Variants in DGCR8 observed in about 807,000 individuals in gnomAD.
DGCR8 encodes microprocessor complex subunit DGCR8.
DGCR8 carries 14 observed loss-of-function variants against 78.5 expected under a neutral mutation model. The observed-to-expected ratio is 0.18, with a 90% CI of 0.12 to 0.28. DGCR8 has a LOEUF of 0.28. Ranked by LOEUF, DGCR8 falls within the 10% of genes least tolerant of loss-of-function variation. The pLI is 1.00. For missense variants in DGCR8, 702 were observed against 1,022.5 expected (o/e 0.69, Z 4.28); for synonymous variants, 399 against 402.4 (o/e 0.99, Z 0.10).
At chr22:20,094,692 T>C in intron 8 of DGCR8, 21 bp from the exon 9 acceptor site, 1 of 1,611,628 alleles carries the variant, frequency 6.2e-7, no homozygotes, top group South Asian at 1.1e-5. Flanking sequence ...AGCCTCACCC[T>C]CGGGCTCTTT....
Position 20,090,275 on chromosome 22 carries a change from C to G in DGCR8, c.1306+17C>G. ...AATCCGTTGGTGAGTTTTTGAAGGACTCTTCCCTTCTTGCCTCCTGGGACC... is the reference window on the plus strand; with the variant it reads ...AATCCGTTGGTGAGTTTTTGAAGGAGTCTTCCCTTCTTGCCTCCTGGGACC... On this transcript the variant is annotated intron_variant, in intron 5 of 13. Coordinates refer to ENST00000351989, the MANE Select transcript of DGCR8 (RefSeq NM_022720.7). 2 of 1,572,650 alleles carry G rather than the reference C, an allele frequency of 1.3e-6. No individual in the cohort carries two copies. The highest frequency in any genetic ancestry group is 1.7e-6 in the Non-Finnish European group (2 of 1,164,026).
At chr22:20,108,798 C>CCAGACCCTGGGCGCGCCTGA in intron 12 of DGCR8, 92 bp from the exon 13 acceptor site, 3 of 836,846 alleles carry the variant, frequency 3.6e-6, no homozygotes, top group Non-Finnish European at 6.2e-6. Flanking sequence ...GGCGCGCCTG[C>CCAGACCCTGGGCGCGCCTGA]CTTCAGGGTC....
chr22:20,091,344 T>C, intron 5 of DGCR8, 91 bp from the exon 6 acceptor site: 1 of 1,286,716 alleles, frequency 7.8e-7, no homozygotes, highest in South Asian at 1.2e-5. Context: ...TAGTGTCATG[T>C]GGCCTGGGCC....
chr22:20,097,108 AAG>A (rs1252317024), intron 9 of DGCR8, among the ~76,000 whole-genome samples: 2 of 152,118 alleles, frequency 1.3e-5, no homozygotes, highest in African/African-American at 4.8e-5. Flanking sequence ...TTGTAGTTAT[AAG>A]CAATATTGAT....
At chr22:20,103,944 T>C (rs2049737640) in intron 9 of DGCR8, among the ~76,000 whole-genome samples, 1 of 152,226 alleles carries the variant, frequency 6.6e-6, no homozygotes, top group Non-Finnish European at 1.5e-5. Flanking sequence ...CGGGCGTCTG[T>C]GGTGCTCCCA....
At position 20,087,245 on chromosome 22, in the gene DGCR8, C is replaced by G; in HGVS notation, c.804C>G (p.Gly268=). The G allele has an allele frequency of 6.2e-7, 1 of 1,613,868 alleles. No individual in the cohort carries two copies. Among genetic ancestry groups the G allele is most frequent in the East Asian group, 2.2e-5 (1 of 44,858 alleles). Residue 268 remains glycine, a synonymous_variant, in exon 3 of 14, where the codon GGC becomes GGG. Coordinates refer to ENST00000351989, the MANE Select transcript of DGCR8 (RefSeq NM_022720.7). The surrounding 1 kb of genome is among the most constrained non-coding windows in gnomAD (Gnocchi z 4.1). ...AGAGGCGAACAGAGGAAAAATATGG[C>G]GGAGACAGCGACCATCCGTCCGATG... The part of the protein sequence containing the change: ...PKKRRTEEKY[G]GDSDHPSDGE...
chr22:20,088,028 C>T (rs1195750643), intron 3 of DGCR8, among the ~76,000 whole-genome samples: 2 of 151,910 alleles, frequency 1.3e-5, no homozygotes, highest in Non-Finnish European at 2.9e-5. Context: ...AAGAGATGCA[C>T]GGGGACTCAG....
chr22:20,103,915 T>C (rs1200384409), intron 9 of DGCR8, among the ~76,000 whole-genome samples: 3 of 152,188 alleles, frequency 2.0e-5, no homozygotes, highest in Non-Finnish European at 1.5e-5. Flanking sequence ...CTCATATAGA[T>C]AGTGGAATGT....
At chr22:20,090,279 TC>T (rs1226624543) in intron 5 of DGCR8, 21 bp downstream of exon 5, 1 of 1,571,780 alleles carries the variant, frequency 6.4e-7, no homozygotes, top group Non-Finnish European at 8.6e-7. Context: ...GAAGGACTCT[TC>T]CCTTCTTGCC....
chr22:20,100,932 G>A (rs556122053), intron 9 of DGCR8: 23 of 679,140 alleles, frequency 3.4e-5, no homozygotes, highest in Non-Finnish European at 3.8e-5. Flanking sequence ...CCTGCCACCC[G>A]GCACAGGACC....
chr22:20,108,739 G>A, intron 12 of DGCR8, 151 bp from the exon 13 acceptor site: 1 of 358,168 alleles, frequency 2.8e-6, no homozygotes, highest in Non-Finnish European at 5.2e-6. Flanking sequence ...CAGTCAGCAT[G>A]CAGTTATGTT....
intron 13 of DGCR8, among the ~76,000 whole-genome samples, 180 bp from the exon 14 acceptor site, chr22:20,109,845 C>T (rs1289716094): frequency 6.6e-6 from 1 of 152,228 alleles, no homozygotes; most frequent in Non-Finnish European, 1.5e-5. Flanking sequence ...CCTCTGCAAT[C>T]TCAGGCTGGC....
chr22:20,091,437 C>T lies in DGCR8; in HGVS notation c.1309C>T (p.Leu437Phe). 9 of 1,614,214 alleles carry T rather than the reference C, an allele frequency of 5.6e-6. No homozygotes were observed. The highest frequency in any genetic ancestry group is 1.1e-5 in the South Asian group (1 of 91,088). The change falls in exon 6 of 14, where the codon CTC (leucine) becomes TTC (phenylalanine). Residue 437 changes from leucine (L) to phenylalanine (F), a missense_variant and splice_region_variant. By Grantham distance (22) the Leu-to-Phe change is conservative. Coordinates refer to ENST00000351989, the MANE Select transcript of DGCR8 (RefSeq NM_022720.7). ...VEVCKDESVD[L>F]EEFRSYLEKR... The stretch of plus-strand genomic sequence containing the variant: ...TTTCTCTGGTAAATCTGGGACAGAT[C>T]TCGAGGAATTTCGAAGCTACCTGGA...
rs720012 is a variant in DGCR8, at chr22:20,111,059, G to A, written c.*951G>A. The stretch of plus-strand genomic sequence containing the variant: ...TGGACTTGTTGAAACAGGAAGCAAG[G>A]GCCTTCAGTGTAGCCCATTCTTGAT... On this transcript the variant is annotated 3_prime_UTR_variant, in exon 14 of 14. Transcript: ENST00000351989. 59,779 of 397,614 alleles carry A rather than the reference G, an allele frequency of 0.15. 6,934 individuals are homozygous for A. The highest frequency in any genetic ancestry group is 0.46 in the East Asian group (12,944 of 28,072). 24.6% of individuals were successfully genotyped at this position (397,614 alleles called of 1,614,324 possible).
In DGCR8 at chr22:20,086,794, CA is replaced by C; in HGVS notation, c.720+115del. On this transcript the variant is annotated intron_variant, in intron 2 of 13. Coordinates refer to ENST00000351989, the MANE Select transcript of DGCR8 (RefSeq NM_022720.7). The surrounding 1 kb of genome is among the most constrained non-coding windows in gnomAD (Gnocchi z 6.4). ...AATTAAAAAAAAAAAAAACAAAAAC[CA>C]AAATCCCCTCTGAGGTGGAATAATG... The C allele has an allele frequency of 8.5e-7, 1 of 1,181,818 alleles. No homozygotes were observed. The highest frequency in any genetic ancestry group is 1.5e-5 in the African/African-American group (1 of 65,334). 73.2% of individuals were successfully genotyped at this position (1,181,818 alleles called of 1,614,324 possible). A position where few individuals can be genotyped will look rare whatever the true frequency, so the allele number is the denominator to read the frequency against.
intron 9 of DGCR8, among the ~76,000 whole-genome samples, chr22:20,096,779 T>C (rs567101847): frequency 6.6e-6 from 1 of 152,354 alleles, no homozygotes; most frequent in South Asian, 2.1e-4. Context: ...TGTGGTCTTT[T>C]GTGACTGGCT....
At chr22:20,101,559 C>T (rs1299448425) in intron 9 of DGCR8, 3 of 978,476 alleles carry the variant, frequency 3.1e-6, no homozygotes, top group African/African-American at 1.8e-5. Context: ...GCCTGGGCGA[C>T]GGAGCGAGAA....
At chr22:20,109,419 C>T (rs900701379) in intron 13 of DGCR8, among the ~76,000 whole-genome samples, 2 of 152,188 alleles carry the variant, frequency 1.3e-5, no homozygotes, top group Admixed American at 1.3e-4. Context: ...TGTCTTCTGT[C>T]TTCAGGCATC....
At position 20,089,925 on chromosome 22, in the gene DGCR8, C is replaced by T. The variant is rs1370837519; in HGVS notation, c.1024-51C>T. On this transcript the variant is annotated intron_variant, in intron 4 of 13. Transcript: ENST00000351989. This position sits in a 1 kb window ranked among gnomAD's most constrained non-coding sequence, Gnocchi z 4.9. ...AGGCCGGTGAAAGGCATCAGAGTTTCAGACTCTCGGGTTGTCCTTGTAATC... is the reference window on the plus strand; with the variant it reads ...AGGCCGGTGAAAGGCATCAGAGTTTTAGACTCTCGGGTTGTCCTTGTAATC... 3 of 1,587,040 alleles carry T rather than the reference C, an allele frequency of 1.9e-6. No homozygotes were observed. Among genetic ancestry groups the T allele is most frequent in the East Asian group, 2.2e-5 (1 of 44,594 alleles).
Sources: gnomAD v4.1 joint callset for allele counts (sites outside exome capture counted in the v4.1 genomes callset) on GRCh38, gnomAD v4.1.1 for gene constraint, Gnocchi (gnomAD v3.1) non-coding constraint, MANE v1.5 for transcripts, NCBI Gene and HGNC (gene_info 2026-07-23, HGNC 2026-07-21) for gene names.